SLC45A4: variants seen among roughly 807,000 people sequenced by gnomAD.
The protein encoded by SLC45A4 is solute carrier family 45 member 4.
SLC45A4 carries 32 observed loss-of-function variants against 63.7 expected under a neutral mutation model. The ratio of observed to expected loss-of-function variants is 0.50; its 90% CI spans 0.38 to 0.67. The LOEUF is 0.67. SLC45A4 is among the 30% of genes least tolerant of loss of function. The probability of loss-of-function intolerance (pLI) is 0.00; values close to 1 mark genes in which losing one functional copy is unlikely to be tolerated. For synonymous variants in SLC45A4, 535 were observed against 510.0 expected (o/e 1.05, Z -0.66); for missense variants, 1,027 against 1,157.7 (o/e 0.89, Z 1.64).
At chr8:141,287,710 C>G (rs1830201294) in intron 1 of SLC45A4, among the ~76,000 whole-genome samples, 1 of 152,280 alleles carries the variant, frequency 6.6e-6, no homozygotes, top group Non-Finnish European at 1.5e-5. Context: ...CGTTCAAGAG[C>G]TGCCAAGGTA....
At chr8:141,295,237 C>G (rs1348947928) in intron 1 of SLC45A4, among the ~76,000 whole-genome samples, 5 of 152,240 alleles carry the variant, frequency 3.3e-5, no homozygotes, top group African/African-American at 1.2e-4. Context: ...GGGACCACAC[C>G]TGCTTTATGG....
At chr8:141,244,788 C>T (rs557084731) in intron 2 of SLC45A4, among the ~76,000 whole-genome samples, 8 of 152,102 alleles carry the variant, frequency 5.3e-5, no homozygotes, top group South Asian at 2.1e-4. Context: ...AGTGTGACAC[C>T]GACGGGGCTC....
intron 1 of SLC45A4, among the ~76,000 whole-genome samples, chr8:141,275,124 C>A (rs773976807): frequency 6.6e-6 from 1 of 152,200 alleles, no homozygotes; most frequent in South Asian, 2.1e-4. Context: ...CCCTCCTCTA[C>A]GAGAGAGGAG....
At chr8:141,250,282 C>T (rs759241100) in intron 2 of SLC45A4, among the ~76,000 whole-genome samples, 30 of 152,208 alleles carry the variant, frequency 2.0e-4, no homozygotes, top group Non-Finnish European at 3.5e-4. Context: ...AGTCCTCATA[C>T]ACACTGGTTT....
At chr8:141,264,251 A>T (rs964001538) in intron 1 of SLC45A4, among the ~76,000 whole-genome samples, 1 of 152,010 alleles carries the variant, frequency 6.6e-6, no homozygotes, top group Non-Finnish European at 1.5e-5. Context: ...GCCACTTTGC[A>T]TCTCCCGGTG....
At chr8:141,219,526 C>A in intron 4 of SLC45A4, 124 bp downstream of exon 4, 1 of 1,224,812 alleles carries the variant, frequency 8.2e-7, no homozygotes, top group Non-Finnish European at 1.1e-6. Flanking sequence ...AGACCCTGCC[C>A]ACTGCCTCAA....
intron 1 of SLC45A4, among the ~76,000 whole-genome samples, chr8:141,257,118 C>A (rs1237143004): frequency 6.6e-6 from 1 of 152,214 alleles, no homozygotes; most frequent in Admixed American, 6.5e-5. Flanking sequence ...TCCCAAAGTG[C>A]TGGGATTACA....
chr8:141,282,310 G>A (rs550729677), intron 1 of SLC45A4, among the ~76,000 whole-genome samples: 1 of 152,292 alleles, frequency 6.6e-6, no homozygotes, highest in South Asian at 2.1e-4. Flanking sequence ...TTCCCAGGTG[G>A]CCCCACGATG....
At chr8:141,223,431 T>C (rs1014043602) in intron 2 of SLC45A4, among the ~76,000 whole-genome samples, 2 of 152,194 alleles carry the variant, frequency 1.3e-5, no homozygotes, top group African/African-American at 4.8e-5. Context: ...TTATCAAAAC[T>C]ACGCAGAGGG....
rs568395254 is a variant in SLC45A4 at position 141,248,218 on chromosome 8, T to C, written c.241+5771A>G. 1.3e-4 allele frequency among the ~76,000 whole-genome samples: 20 copies of C among 152,290 alleles called. No individual in the cohort carries two copies. The South Asian group carries it at 3.9e-3, about 30-fold the overall frequency. ...GAAAAAGAACAAAAAAGAACATATTTGATACACCAAATTTCATCAAAATTT... is the reference window on the plus strand; with the variant it reads ...GAAAAAGAACAAAAAAGAACATATTCGATACACCAAATTTCATCAAAATTT... On this transcript the variant is annotated intron_variant, in intron 2 of 8. Coordinates refer to ENST00000517878, the MANE Select transcript of SLC45A4 (RefSeq NM_001286646.2).
Position 141,261,745 on chromosome 8 carries a change from C to T in SLC45A4, c.-400-7116G>A, listed in dbSNP as rs549029800. Among the ~76,000 whole-genome samples the T allele has an allele frequency of 3.5e-3, 530 of 152,264 alleles. 2 individuals are homozygous for T. The highest frequency in any genetic ancestry group is 0.012 in the African/African-American group (490 of 41,536). ...AAGAGGATACAAACAAATGGAAGAA[C>T]ATTCCATGCTCATGGGTAGGAAGAA... On this transcript the variant is annotated intron_variant, in intron 1 of 8. Transcript: ENST00000517878.
chr8:141,264,454 G>T (rs1191516203), intron 1 of SLC45A4, among the ~76,000 whole-genome samples: 2 of 152,198 alleles, frequency 1.3e-5, no homozygotes, highest in Non-Finnish European at 2.9e-5. Context: ...TCTGCTGGGG[G>T]AGGGGAGGGT....
intron 1 of SLC45A4, among the ~76,000 whole-genome samples, chr8:141,265,663 T>C (rs1374904194): frequency 6.6e-6 from 1 of 152,196 alleles, no homozygotes; most frequent in African/African-American, 2.4e-5. Flanking sequence ...CGCTCCTCCT[T>C]CCCCAGCACA....
intron 1 of SLC45A4, among the ~76,000 whole-genome samples, chr8:141,264,316 C>A (rs1829170756): frequency 6.6e-6 from 1 of 152,184 alleles, no homozygotes; most frequent in African/African-American, 2.4e-5. Context: ...AGCCCTGAGA[C>A]TGCTCTTTTA....
At chr8:141,238,056 C>G (rs1016875781) in intron 2 of SLC45A4, among the ~76,000 whole-genome samples, 1 of 152,226 alleles carries the variant, frequency 6.6e-6, no homozygotes, top group Non-Finnish European at 1.5e-5. Flanking sequence ...GAATGCTGTC[C>G]AGCCCACATA....
intron 5 of SLC45A4, 46 bp downstream of exon 5, chr8:141,217,965 C>T (rs1826272174): frequency 2.0e-6 from 3 of 1,533,564 alleles, no homozygotes; most frequent in Non-Finnish European, 2.6e-6. Context: ...CCGTGAGCCG[C>T]AGGTGGGCAG....
At chr8:141,220,414 G>A (rs544352432) in intron 3 of SLC45A4, among the ~76,000 whole-genome samples, 3 of 152,280 alleles carry the variant, frequency 2.0e-5, no homozygotes, top group African/African-American at 4.8e-5. Flanking sequence ...GCCAGTGGCC[G>A]CACCTCACCT....
chr8:141,271,526 CGA>C lies in SLC45A4; in HGVS notation c.-400-16899_-400-16898del, dbSNP rs532329611. On this transcript the variant is annotated intron_variant, in intron 1 of 8. Coordinates refer to ENST00000517878, the MANE Select transcript of SLC45A4 (RefSeq NM_001286646.2). The stretch of plus-strand genomic sequence containing the variant: ...ACAACGGGGTGCCAAGCCCCTACCT[CGA>C]GAGGCTGTGTGGGTGGATCAAATGG... Among the ~76,000 whole-genome samples the C allele has an allele frequency of 1.2e-4, 18 of 152,302 alleles. No homozygotes were observed. The East Asian group carries it at 3.5e-3, about 29-fold the overall frequency.
intron 1 of SLC45A4, among the ~76,000 whole-genome samples, chr8:141,257,842 C>T (rs1400947916): frequency 6.6e-6 from 1 of 152,140 alleles, no homozygotes; most frequent in African/African-American, 2.4e-5. Flanking sequence ...TGGCCCAGAA[C>T]GTCAACAGCA....
Sources: allele counts gnomAD v4.1 joint callset (sites outside exome capture counted in the v4.1 genomes callset), GRCh38; gene constraint gnomAD v4.1.1; transcripts MANE v1.5; gene names NCBI Gene and HGNC (gene_info 2026-07-23, HGNC 2026-07-21).